Variants in LHFPL3 observed in about 807,000 individuals in gnomAD.
LHFPL3 encodes LHFPL tetraspan subfamily member 3.
A neutral mutation model predicts 19.3 loss-of-function variants in LHFPL3; 5 were observed. The observed-to-expected ratio is 0.26, with a 90% CI of 0.14 to 0.54. The LOEUF is 0.54. Among genes scored for constraint, LHFPL3 ranks in the 20% least tolerant of loss-of-function variants. LHFPL3 has a pLI of 0.94. For missense variants in LHFPL3, 249 were observed against 307.4 expected, an observed-to-expected ratio of 0.81 and a Z score of 1.42; for synonymous variants, 133 against 126.2, an observed-to-expected ratio of 1.05 and a Z score of -0.36.
At chr7:104,651,744 T>C (rs1465197878) in intron 1 of LHFPL3, among the ~76,000 whole-genome samples, 1 of 152,240 alleles carries the variant, frequency 6.6e-6, no homozygotes, top group African/African-American at 2.4e-5. Context: ...ACTTCTTTGA[T>C]CTTGCCCATG....
chr7:104,510,494 T>C (rs772176025), intron 1 of LHFPL3, among the ~76,000 whole-genome samples: 1 of 152,126 alleles, frequency 6.6e-6, no homozygotes, highest in Non-Finnish European at 1.5e-5. Flanking sequence ...TTCCTAGGCA[T>C]AAAAATGAAT....
chr7:104,730,648 C>T (rs1270949638), intron 1 of LHFPL3, among the ~76,000 whole-genome samples: 1 of 152,108 alleles, frequency 6.6e-6, no homozygotes, highest in Non-Finnish European at 1.5e-5. Context: ...GATATTAGCC[C>T]TTTGTCAGAT....
At chr7:104,595,857 C>G (rs1790840936) in intron 1 of LHFPL3, among the ~76,000 whole-genome samples, 2 of 152,258 alleles carry the variant, frequency 1.3e-5, no homozygotes, top group East Asian at 3.9e-4. Context: ...TGGGCATGGG[C>G]ACTGCTGAGC....
chr7:104,814,535 A>G (rs559654433), intron 2 of LHFPL3, among the ~76,000 whole-genome samples: 3 of 152,118 alleles, frequency 2.0e-5, no homozygotes, highest in Non-Finnish European at 4.4e-5. Flanking sequence ...CGGAACTGGC[A>G]GCCTGACTCC....
intron 2 of LHFPL3, among the ~76,000 whole-genome samples, chr7:104,881,860 T>C (rs1792063903): frequency 6.6e-6 from 1 of 152,124 alleles, no homozygotes; most frequent in Non-Finnish European, 1.5e-5. Flanking sequence ...ACCACCCTCA[T>C]CAGTCAGCCG....
intron 2 of LHFPL3, among the ~76,000 whole-genome samples, chr7:104,881,604 C>A (rs555637246): frequency 1.0e-3 from 157 of 152,300 alleles, no homozygotes; most frequent in African/African-American, 3.4e-3. Context: ...TGAGATGGAA[C>A]CTACTCCTGC....
At chr7:104,444,931 T>G (rs10248586) in intron 1 of LHFPL3, among the ~76,000 whole-genome samples, 25,532 of 151,498 alleles carry the variant, frequency 0.17, 2,144 homozygotes, top group Middle Eastern at 0.2. Context: ...GAGGTTGCGG[T>G]GAGTTGAAAT....
intron 1 of LHFPL3, among the ~76,000 whole-genome samples, chr7:104,684,982 A>G (rs1028008211): frequency 6.6e-6 from 1 of 152,254 alleles, no homozygotes; most frequent in Non-Finnish European, 1.5e-5. Context: ...CAAAATACGA[A>G]TTGATTATCT....
intron 1 of LHFPL3, among the ~76,000 whole-genome samples, chr7:104,453,269 T>G (rs544999980): frequency 6.6e-6 from 1 of 151,852 alleles, no homozygotes; most frequent in African/African-American, 2.4e-5. Flanking sequence ...CTTTAAGTTT[T>G]AGGGGTGGAG....
At chr7:104,813,026 A>G (rs999725952) in intron 2 of LHFPL3, among the ~76,000 whole-genome samples, 33 of 152,126 alleles carry the variant, frequency 2.2e-4, no homozygotes, top group African/African-American at 8.0e-4. Context: ...AGGCAGGAGA[A>G]TTGCTTGAAC....
At chr7:104,555,003 T>A (rs1161129603) in intron 1 of LHFPL3, among the ~76,000 whole-genome samples, 2 of 152,196 alleles carry the variant, frequency 1.3e-5, no homozygotes, top group Non-Finnish European at 2.9e-5. Flanking sequence ...ACATTTCCTC[T>A]GCCTTTTGGT....
At chr7:104,530,168 C>T (rs1049077303) in intron 1 of LHFPL3, among the ~76,000 whole-genome samples, 4 of 152,182 alleles carry the variant, frequency 2.6e-5, no homozygotes, top group Admixed American at 2.0e-4. Flanking sequence ...AGTATGATTG[C>T]AACTCAGAGA....
At chr7:104,544,691 C>G (rs932450058) in intron 1 of LHFPL3, among the ~76,000 whole-genome samples, 1 of 152,052 alleles carries the variant, frequency 6.6e-6, no homozygotes, top group Non-Finnish European at 1.5e-5. Context: ...CATAGTGCAT[C>G]TCTATATATC....
At chr7:104,458,299 G>A (rs1169244095) in intron 1 of LHFPL3, among the ~76,000 whole-genome samples, 2 of 152,210 alleles carry the variant, frequency 1.3e-5, no homozygotes, top group African/African-American at 2.4e-5. Flanking sequence ...TGTACAAGGT[G>A]TAAGGAAGGG....
At chr7:104,723,169 T>C (rs1584497447) in intron 1 of LHFPL3, among the ~76,000 whole-genome samples, 1 of 152,238 alleles carries the variant, frequency 6.6e-6, no homozygotes, top group Non-Finnish European at 1.5e-5. Context: ...TTAGTGGCTC[T>C]GGGGAACCAC....
intron 1 of LHFPL3, among the ~76,000 whole-genome samples, chr7:104,369,305 A>G (rs1041841444): frequency 3.3e-5 from 5 of 152,226 alleles, no homozygotes; most frequent in Admixed American, 6.5e-5. Context: ...GATATTTTAT[A>G]TAAATGGAAT....
intron 1 of LHFPL3, among the ~76,000 whole-genome samples, chr7:104,408,101 T>G (rs1245405318): frequency 6.6e-6 from 1 of 152,162 alleles, no homozygotes. Context: ...ACTATCTGCT[T>G]GGCCCCATTA....
intron 1 of LHFPL3, among the ~76,000 whole-genome samples, chr7:104,384,559 G>A (rs1042732541): frequency 1.3e-5 from 2 of 151,844 alleles, no homozygotes; most frequent in African/African-American, 4.8e-5. Context: ...GGCCGAGGCG[G>A]GTGGATCACC....
intron 1 of LHFPL3, among the ~76,000 whole-genome samples, chr7:104,713,415 C>A (rs942400888): frequency 3.3e-5 from 5 of 152,152 alleles, no homozygotes; most frequent in African/African-American, 1.2e-4. Flanking sequence ...TGGAAACTTA[C>A]AATCGTGGCA....
Sources: allele counts gnomAD v4.1 joint callset (sites outside exome capture counted in the v4.1 genomes callset), GRCh38; gene constraint gnomAD v4.1.1; transcripts MANE v1.5; gene names NCBI Gene and HGNC (gene_info 2026-07-23, HGNC 2026-07-21).